ZRANB3: variants seen among roughly 807,000 people sequenced by gnomAD.
The protein encoded by ZRANB3 is DNA annealing helicase and endonuclease ZRANB3.
A neutral mutation model predicts 133.8 loss-of-function variants in ZRANB3; 125 were observed. The ratio of observed to expected loss-of-function variants is 0.93; its 90% confidence interval spans 0.81 to 1.08. The LOEUF is 1.08. ZRANB3 is among the 50% of genes least tolerant of loss of function. The pLI, the probability that ZRANB3 is intolerant of heterozygous loss-of-function variation, is 0.00. For missense variants in ZRANB3, 1,229 were observed against 1,275.5 expected (o/e 0.96, Z 0.56); for synonymous variants, 387 against 432.7 (o/e 0.89, Z 1.31).
intron 2 of ZRANB3, among the ~76,000 whole-genome samples, chr2:135,395,653 TC>T (rs1215045808): frequency 1.3e-5 from 2 of 151,978 alleles, no homozygotes; most frequent in East Asian, 3.9e-4. Context: ...AGACGGGGTT[TC>T]ACCATTTTGG....
In ZRANB3 at chr2:135,329,294, G is replaced by A. The variant is rs561510485; in HGVS notation, c.678-13764C>T. On this transcript the variant is annotated intron_variant, in intron 6 of 20. Transcript: ENST00000264159. ...TCTACACATGGCTAGCCAGTTTTTC[G>A]AGCATCATTTATTAAACAGGTAATC... Among the ~76,000 whole-genome samples, 121 of 152,160 alleles carry A rather than the reference G, an allele frequency of 8.0e-4. 1 individual carries two copies. The highest frequency in any genetic ancestry group is 2.5e-3 in the African/African-American group (105 of 41,524).
chr2:135,488,821 A>G (rs1040966775), intron 2 of ZRANB3, among the ~76,000 whole-genome samples: 9 of 150,364 alleles, frequency 6.0e-5, no homozygotes, highest in African/African-American at 2.3e-4. Flanking sequence ...CTATATAATC[A>G]AATATAGCAT....
Position 135,353,465 on chromosome 2 carries a change from T to C in ZRANB3, c.344A>G (p.Asn115Ser), listed in dbSNP as rs374344598. The C allele has an allele frequency of 9.4e-6, 15 of 1,589,542 alleles. No individual in the cohort carries two copies. The highest frequency in any genetic ancestry group is 3.6e-5 in the Admixed American group (2 of 55,700). ...LSPEEINVIQNKTDVRRMSTS... is the reference protein window; with the variant it reads ...LSPEEINVIQSKTDVRRMSTS... ...TTGTTCTTACCTAACATCAGTTTTA[T>C]TCTGAATAACATTGATTTCTTCTGG... is the stretch of plus-strand genomic sequence containing the variant. The change falls in exon 4 of 21, where the codon AAT becomes AGT. Residue 115 changes from asparagine (N) to serine (S), a missense_variant. Transcript: ENST00000264159.
chr2:135,261,663 A>G (rs770056199), intron 12 of ZRANB3, among the ~76,000 whole-genome samples: 9 of 152,222 alleles, frequency 5.9e-5, no homozygotes, highest in Admixed American at 3.9e-4. Context: ...TAAACTTTTG[A>G]AAACAATAAA....
chr2:135,285,628 A>G (rs1228795864), intron 8 of ZRANB3, among the ~76,000 whole-genome samples: 1 of 152,238 alleles, frequency 6.6e-6, no homozygotes, highest in Admixed American at 6.5e-5. Flanking sequence ...TGCCTTCTGG[A>G]AAGTTGTTAA....
chr2:135,466,806 T>G (rs1004151523), intron 2 of ZRANB3, among the ~76,000 whole-genome samples: 1 of 151,898 alleles, frequency 6.6e-6, no homozygotes, highest in Non-Finnish European at 1.5e-5. Context: ...GACTCCTGAG[T>G]AGCTGGGAAT....
intron 12 of ZRANB3, among the ~76,000 whole-genome samples, chr2:135,257,932 C>A (rs546945702): frequency 1.3e-5 from 2 of 152,120 alleles, no homozygotes; most frequent in Non-Finnish European, 2.9e-5. Context: ...GATTATGTAA[C>A]CTTTCTCAGA....
At chr2:135,319,738 C>T (rs1178733150) in intron 6 of ZRANB3, among the ~76,000 whole-genome samples, 1 of 152,156 alleles carries the variant, frequency 6.6e-6, no homozygotes, top group African/African-American at 2.4e-5. Flanking sequence ...GGAAGCCATT[C>T]CTATACTAGG....
intron 19 of ZRANB3, among the ~76,000 whole-genome samples, chr2:135,206,356 C>T (rs180957202): frequency 6.6e-5 from 10 of 151,928 alleles, no homozygotes; most frequent in African/African-American, 2.4e-4. Context: ...TCTTCTGCCT[C>T]AGCTCCCGAG....
At chr2:135,336,192 G>C (rs1021381685) in intron 6 of ZRANB3, among the ~76,000 whole-genome samples, 1 of 152,128 alleles carries the variant, frequency 6.6e-6, no homozygotes, top group African/African-American at 2.4e-5. Flanking sequence ...CCAGGTAGCT[G>C]GTTACCTATA....
At chr2:135,397,545 A>T (rs1301020863) in intron 2 of ZRANB3, among the ~76,000 whole-genome samples, 1 of 152,164 alleles carries the variant, frequency 6.6e-6, no homozygotes, top group Non-Finnish European at 1.5e-5. Context: ...TTTCTATTAT[A>T]GTTAAAGATG....
intron 8 of ZRANB3, among the ~76,000 whole-genome samples, chr2:135,301,130 C>T (rs918046468): frequency 7.9e-5 from 12 of 152,040 alleles, no homozygotes; most frequent in African/African-American, 2.9e-4. Context: ...TCCACCTCAG[C>T]CTCTCAAGTA....
chr2:135,228,114 A>C, intron 13 of ZRANB3, 99 bp from the exon 14 acceptor site: 1 of 1,010,456 alleles, frequency 9.9e-7, no homozygotes, highest in Admixed American at 2.7e-5. Context: ...AAAGTGAATA[A>C]TGTTTATTCA....
Position 135,265,644 on chromosome 2 carries a change from T to A in ZRANB3, c.1429A>T (p.Ile477Phe). 6.2e-7 allele frequency: 1 copy of A among 1,613,732 alleles called. No individual in the cohort carries two copies. ...GSTLNGRKEK[I>F]QAEEGDKEKW... ...TCCTTATCACCTTCCTCAGCCTGAA[T>A]TTTTTCTTTCCTACCGTTCAGTGTG... Residue 477 changes from isoleucine to phenylalanine, a missense_variant, in exon 12 of 21, where the codon ATT (isoleucine) becomes TTT (phenylalanine). Physicochemically the swap from Ile to Phe is conservative, Grantham distance 21. Transcript: ENST00000264159.
At chr2:135,519,321 A>C (rs1693826565) in intron 1 of ZRANB3, among the ~76,000 whole-genome samples, 1 of 152,176 alleles carries the variant, frequency 6.6e-6, no homozygotes, top group African/African-American at 2.4e-5. Flanking sequence ...CAATGAACTC[A>C]AAAAGTATGA....
chr2:135,313,415 G>T, intron 8 of ZRANB3, 74 bp downstream of exon 8: 1 of 925,178 alleles, frequency 1.1e-6, no homozygotes, highest in Non-Finnish European at 1.6e-6. Context: ...TAAATAACTT[G>T]CTTAATTAAA....
chr2:135,249,688 C>G (rs1195583066), intron 12 of ZRANB3, among the ~76,000 whole-genome samples: 2 of 152,184 alleles, frequency 1.3e-5, no homozygotes, highest in Non-Finnish European at 2.9e-5. Flanking sequence ...CTCATGAGAT[C>G]TGATGGGTTT....
intron 2 of ZRANB3, among the ~76,000 whole-genome samples, chr2:135,449,813 A>G (rs1314064333): frequency 6.6e-6 from 1 of 152,158 alleles, no homozygotes; most frequent in Admixed American, 6.5e-5. Context: ...GCTACAGTGC[A>G]GTGACAAAAC....
At position 135,268,977 on chromosome 2, in the gene ZRANB3, TC is replaced by T; in HGVS notation, c.1370del (p.Gly457GlufsTer3). ...ANGTLDTLMWGMLNRKAQVTG... is the reference protein window; with the variant it reads ...ANGTLDTLMWXMLNRKAQVTG... ...CAAGCTTTACCTTGCGATTCAACATTCCCCACATAAGGGTGTCTAGGGTTCC... is the reference window on the plus strand; with the variant it reads ...CAAGCTTTACCTTGCGATTCAACATTCCCACATAAGGGTGTCTAGGGTTCC... On this transcript the variant is annotated frameshift_variant, in exon 11 of 21. Transcript: ENST00000264159. LOFTEE classifies it high-confidence loss of function. 1.9e-6 allele frequency: 3 copies of T among 1,603,270 alleles called. No homozygotes were observed. The highest frequency in any genetic ancestry group is 2.6e-6 in the Non-Finnish European group (3 of 1,175,880).
Sources: allele counts gnomAD v4.1 joint callset (sites outside exome capture counted in the v4.1 genomes callset), GRCh38; gene constraint gnomAD v4.1.1; transcripts MANE v1.5; gene names NCBI Gene and HGNC (gene_info 2026-07-23, HGNC 2026-07-21).